NCALD: variants seen among roughly 807,000 people sequenced by gnomAD.
The protein encoded by NCALD is neurocalcin delta.
In NCALD, 10 loss-of-function variants were observed where a neutral mutation model predicts 18.6. The ratio of observed to expected loss-of-function variants is 0.54; its 90% CI spans 0.33 to 0.91. The LOEUF is 0.91. Among genes scored for constraint, NCALD ranks in the 40% least tolerant of loss-of-function variants. The pLI is 0.03. For synonymous variants in NCALD, 88 were observed against 87.4 expected (o/e 1.01, Z -0.04); for missense variants, 184 against 247.6 (o/e 0.74, Z 1.72).
intron 4 of NCALD, among the ~76,000 whole-genome samples, chr8:101,870,930 T>C (rs1421875106): frequency 9.0e-6 from 1 of 111,048 alleles, no homozygotes; most frequent in Non-Finnish European, 1.7e-5. Flanking sequence ...AGAACGTTCA[T>C]GAGTTATCTA....
chr8:102,025,311 C>T (rs1822416224), intron 1 of NCALD, among the ~76,000 whole-genome samples: 1 of 152,248 alleles, frequency 6.6e-6, no homozygotes, highest in African/African-American at 2.4e-5. Context: ...GTCTTTGCTA[C>T]ATGCTCTGCA....
intron 1 of NCALD, among the ~76,000 whole-genome samples, chr8:102,097,693 T>C (rs652008): frequency 0.64 from 97,203 of 152,066 alleles, 31,189 homozygotes; most frequent in Middle Eastern, 0.68. Context: ...ACAAGACTCT[T>C]ATCAACTGAT....
rs777288458 is a variant in NCALD, at chr8:101,862,076, T to C, written c.-20+25065A>G. Among the ~76,000 whole-genome samples, 6 of 152,224 alleles carry C rather than the reference T, an allele frequency of 3.9e-5. 1 individual carries two copies. Among genetic ancestry groups the C allele is most frequent in the Non-Finnish European group, 5.9e-5 (4 of 68,040 alleles). On this transcript the variant is annotated intron_variant, in intron 4 of 6. Coordinates refer to the NCALD transcript ENST00000311028. ...GCCCTTAAGTAGTAAACAAGACTGT[T>C]GCATTCCATGATACCACCAAGTATT...
At chr8:101,862,881 C>T (rs987259075) in intron 4 of NCALD, among the ~76,000 whole-genome samples, 1 of 152,216 alleles carries the variant, frequency 6.6e-6, no homozygotes, top group Non-Finnish European at 1.5e-5. Context: ...TTGTTAAGCA[C>T]TTACTGTCTT....
At chr8:101,748,474 A>C (rs974109595) in intron 1 of NCALD, among the ~76,000 whole-genome samples, 3 of 152,116 alleles carry the variant, frequency 2.0e-5, no homozygotes, top group Admixed American at 2.0e-4. Context: ...CTTAGTGGAG[A>C]AAGTGACAAA....
chr8:101,757,383 C>T (rs1810926606), intron 1 of NCALD, among the ~76,000 whole-genome samples: 1 of 152,156 alleles, frequency 6.6e-6, no homozygotes, highest in South Asian at 2.1e-4. Flanking sequence ...GCTCCATTGT[C>T]CTTATCTCTC....
intron 3 of NCALD, among the ~76,000 whole-genome samples, chr8:101,892,071 A>C (rs1013070834): frequency 6.6e-6 from 1 of 151,906 alleles, no homozygotes; most frequent in African/African-American, 2.4e-5. Flanking sequence ...GGCACAGACA[A>C]ACAAAAAGAC....
rs117550433 is a variant in NCALD at position 101,730,956 on chromosome 8, C to T, written c.-19-11308G>A. 3.5e-3 allele frequency among the ~76,000 whole-genome samples: 536 copies of T among 152,148 alleles called. 4 individuals carry two copies. The East Asian group carries it at 0.048, about 14-fold the overall frequency. On this transcript the variant is annotated intron_variant, in intron 1 of 3. Coordinates refer to ENST00000220931, the MANE Select transcript of NCALD (RefSeq NM_032041.3). ...TGAAATGGTAGATGAAGATGTGCCA[C>T]GGAGAAGAGTAAAGAAGAGAAGGGA...
At chr8:101,888,179 C>T (rs1816742760) in intron 3 of NCALD, among the ~76,000 whole-genome samples, 1 of 152,074 alleles carries the variant, frequency 6.6e-6, no homozygotes, top group Admixed American at 6.6e-5. Flanking sequence ...AAACATCACA[C>T]AGAGAGACAT....
At chr8:101,693,213 C>T (rs142369453) in intron 2 of NCALD, 32 of 252,368 alleles carry the variant, frequency 1.3e-4, no homozygotes, top group Middle Eastern at 1.4e-3. Context: ...TGTAGTGGCA[C>T]GCTTACGGCT....
chr8:101,873,973 C>T (rs1462726551), intron 4 of NCALD, among the ~76,000 whole-genome samples: 1 of 152,218 alleles, frequency 6.6e-6, no homozygotes, highest in Non-Finnish European at 1.5e-5. Context: ...CTACAAAGGT[C>T]ACATGATTTG....
At chr8:101,987,559 C>T (rs1586876148) in intron 2 of NCALD, among the ~76,000 whole-genome samples, 1 of 152,152 alleles carries the variant, frequency 6.6e-6, no homozygotes, top group East Asian at 1.9e-4. Context: ...GCATGAAAAA[C>T]AAATCCAAGA....
chr8:102,042,750 G>C (rs866969816), intron 1 of NCALD, among the ~76,000 whole-genome samples: 1 of 148,336 alleles, frequency 6.7e-6, no homozygotes, highest in Non-Finnish European at 1.5e-5. Context: ...AGAAGCTAGA[G>C]ATGAAAACAC....
At chr8:101,759,398 A>G (rs1185749704) in intron 1 of NCALD, among the ~76,000 whole-genome samples, 3 of 152,130 alleles carry the variant, frequency 2.0e-5, no homozygotes, top group African/African-American at 7.2e-5. Flanking sequence ...GAGTCAGGGA[A>G]GAGGAGGAGG....
intron 2 of NCALD, among the ~76,000 whole-genome samples, chr8:101,930,724 G>C (rs1437266685): frequency 6.6e-6 from 1 of 152,144 alleles, no homozygotes; most frequent in African/African-American, 2.4e-5. Flanking sequence ...CACTGGAATT[G>C]TATGGGGTCT....
At chr8:101,898,481 C>G (rs1426444242) in intron 3 of NCALD, among the ~76,000 whole-genome samples, 1 of 152,154 alleles carries the variant, frequency 6.6e-6, no homozygotes, top group Non-Finnish European at 1.5e-5. Context: ...CCTTCTAACA[C>G]AGTTCTTCAT....
chr8:101,814,594 C>G (rs1441966590), intron 4 of NCALD, among the ~76,000 whole-genome samples: 4 of 151,986 alleles, frequency 2.6e-5, no homozygotes, highest in Admixed American at 2.6e-4. Flanking sequence ...GGTGTCTCTA[C>G]TCATTTGCAA....
chr8:101,867,238 G>A (rs552923558), intron 4 of NCALD, among the ~76,000 whole-genome samples: 3 of 152,044 alleles, frequency 2.0e-5, no homozygotes, highest in East Asian at 1.9e-4. Flanking sequence ...ATTTCAAACC[G>A]CCCCTACCTT....
intron 1 of NCALD, among the ~76,000 whole-genome samples, chr8:102,104,196 C>T (rs1825376170): frequency 6.6e-6 from 1 of 152,152 alleles, no homozygotes; most frequent in African/African-American, 2.4e-5. Flanking sequence ...AATTATTTCC[C>T]AGTGAGTATT....
Sources: gnomAD v4.1 joint callset for allele counts (sites outside exome capture counted in the v4.1 genomes callset) on GRCh38, gnomAD v4.1.1 for gene constraint, MANE v1.5 for transcripts, NCBI Gene and HGNC (gene_info 2026-07-23, HGNC 2026-07-21) for gene names.